GRIA1: variants seen among roughly 807,000 people sequenced by gnomAD.
GRIA1 encodes glutamate ionotropic receptor AMPA type subunit 1.
A neutral mutation model predicts 99.2 loss-of-function variants in GRIA1; 31 were observed. That is an observed-to-expected ratio of 0.31 (90% CI 0.23 to 0.42). The LOEUF is 0.42. Among genes scored for constraint, GRIA1 ranks in the 10% least tolerant of loss-of-function variants. GRIA1 has a pLI of 1.00. For synonymous variants in GRIA1, 438 were observed against 432.4 expected (o/e 1.01, Z -0.16); for missense variants, 782 against 1,157.5 (o/e 0.68, Z 4.71).
chr5:153,761,022 C>G (rs1208047345), intron 11 of GRIA1, among the ~76,000 whole-genome samples: 1 of 152,094 alleles, frequency 6.6e-6, no homozygotes, highest in Non-Finnish European at 1.5e-5. Flanking sequence ...GTACCAAAAT[C>G]ACCTCAAAAT....
At chr5:153,609,440 A>AC (rs11441700) in intron 2 of GRIA1, among the ~76,000 whole-genome samples, 104,784 of 151,914 alleles carry the variant, frequency 0.69, 36,473 homozygotes, top group East Asian at 0.79. Context: ...ATAGGCTGAA[A>AC]AAGGCAGTGA....
chr5:153,624,501 G>T (rs1767393586), intron 2 of GRIA1, among the ~76,000 whole-genome samples: 1 of 152,164 alleles, frequency 6.6e-6, no homozygotes, highest in Non-Finnish European at 1.5e-5. Flanking sequence ...ATGAGAGATG[G>T]GGGAGGAGCT....
chr5:153,793,721 GGATAT>G (rs558051635), intron 13 of GRIA1, among the ~76,000 whole-genome samples: 66 of 152,284 alleles, frequency 4.3e-4, no homozygotes, highest in Non-Finnish European at 2.9e-5. Context: ...AGATGGCCCT[GGATAT>G]GTTATATGTA....
At chr5:153,783,983 T>A (rs1331397341) in intron 13 of GRIA1, among the ~76,000 whole-genome samples, 1 of 152,188 alleles carries the variant, frequency 6.6e-6, no homozygotes, top group Non-Finnish European at 1.5e-5. Flanking sequence ...GTAGTACATG[T>A]GCCAATGCAG....
In GRIA1 at chr5:153,682,175, A is replaced by G. The variant is rs891253068; in HGVS notation, c.1030-4050A>G. 3.3e-5 allele frequency among the ~76,000 whole-genome samples: 5 copies of G among 152,182 alleles called. 1 individual carries two copies. Among genetic ancestry groups the G allele is most frequent in the Admixed American group, 6.5e-5 (1 of 15,276 alleles). On this transcript the variant is annotated intron_variant, in intron 7 of 15. Transcript: ENST00000285900. ...GAGGGTTCTGAGATTTGCTCTGGCC[A>G]GAGTACCTAGAATGTGACCCAGCAA...
intron 8 of GRIA1, among the ~76,000 whole-genome samples, chr5:153,695,220 G>T (rs1015742585): frequency 6.6e-6 from 1 of 152,096 alleles, no homozygotes; most frequent in African/African-American, 2.4e-5. Context: ...AAGCCTGCCT[G>T]CACTATCTGC....
rs1017882549 is a variant in GRIA1 at position 153,802,496 on chromosome 5, A to G, written c.2520+6A>G. 3 of 1,613,796 alleles carry G rather than the reference A, an allele frequency of 1.9e-6. No homozygotes were observed. The highest frequency in any genetic ancestry group is 2.2e-5 in the East Asian group (1 of 44,868). On this transcript the variant is annotated splice_donor_region_variant and intron_variant, in intron 15 of 15. Coordinates refer to ENST00000285900, the MANE Select transcript of GRIA1 (RefSeq NM_000827.4). ...GTGAATCCAAGCGGATGAAGGTGGC[A>G]TCGTCTTCCCGGGCCTTTTTCCTAA...
intron 14 of GRIA1, chr5:153,795,616 G>A (rs368459750): frequency 1.4e-5 from 19 of 1,318,256 alleles, no homozygotes; most frequent in Non-Finnish European, 1.9e-5. Flanking sequence ...CAGAGGTCAC[G>A]CACACCTGTA....
chr5:153,642,762 C>G (rs989683067), intron 2 of GRIA1, among the ~76,000 whole-genome samples: 1 of 152,122 alleles, frequency 6.6e-6, no homozygotes. Context: ...TAACCCAGTA[C>G]ACACAGAGTT....
At chr5:153,678,968 C>T (rs1229206713) in intron 7 of GRIA1, among the ~76,000 whole-genome samples, 3 of 148,138 alleles carry the variant, frequency 2.0e-5, no homozygotes, top group Non-Finnish European at 4.6e-5. Flanking sequence ...AAAATTCAAA[C>T]AGTCTAATTT....
At chr5:153,732,151 T>C (rs1318346991) in intron 11 of GRIA1, among the ~76,000 whole-genome samples, 2 of 152,178 alleles carry the variant, frequency 1.3e-5, no homozygotes. Context: ...GTTGTTTCTA[T>C]ATCTTGGCTA....
At chr5:153,667,750 T>C (rs528780129) in intron 5 of GRIA1, among the ~76,000 whole-genome samples, 97 of 152,330 alleles carry the variant, frequency 6.4e-4, no homozygotes, top group African/African-American at 2.3e-3. Context: ...TGATAATTAA[T>C]AGTCATAATG....
chr5:153,658,953 G>A (rs1755154414), intron 5 of GRIA1, among the ~76,000 whole-genome samples: 2 of 148,964 alleles, frequency 1.3e-5, no homozygotes, highest in East Asian at 3.9e-4. Context: ...ACAACTTATA[G>A]GCAAGGAGTC....
At chr5:153,734,673 A>G (rs1761260292) in intron 11 of GRIA1, among the ~76,000 whole-genome samples, 1 of 152,214 alleles carries the variant, frequency 6.6e-6, no homozygotes, top group Non-Finnish European at 1.5e-5. Flanking sequence ...GCCAGAATTT[A>G]TGGAAACATG....
chr5:153,490,613 G>A (rs1210261467), upstream of GRIA1: 8 of 509,070 alleles, frequency 1.6e-5, no homozygotes, highest in Non-Finnish European at 2.8e-5. Flanking sequence ...GAGAGGAGAG[G>A]GAGTGGGGGA....
At chr5:153,624,025 A>G (rs1217823080) in intron 2 of GRIA1, among the ~76,000 whole-genome samples, 7 of 152,226 alleles carry the variant, frequency 4.6e-5, no homozygotes, top group African/African-American at 1.7e-4. Context: ...AAACAAATGG[A>G]TACTGTCAAG....
rs13186216 is a variant in GRIA1, at chr5:153,705,825, T to G, written c.1581T>G (p.Gly527=). 6.2e-7 allele frequency: 1 copy of G among 1,613,910 alleles called. No individual in the cohort carries two copies. Among genetic ancestry groups the G allele is most frequent in the Non-Finnish European group, 8.5e-7 (1 of 1,179,980 alleles). The change falls in exon 11 of 16, where the codon GGT becomes GGG. Residue 527 remains glycine, a synonymous_variant. Coordinates refer to ENST00000285900, the MANE Select transcript of GRIA1 (RefSeq NM_000827.4). Reference sequence around the variant, plus strand: ...AAAAACCACAGAAATCCAAGCCGGGTGTCTTCTCCTTCCTTGATCCTTTGG... The same window carrying G: ...AAAAACCACAGAAATCCAAGCCGGGGGTCTTCTCCTTCCTTGATCCTTTGG... ...MIKKPQKSKP[G]VFSFLDPLAY... is the part of the protein sequence containing the mutation.
chr5:153,525,591 T>C (rs905521221), intron 2 of GRIA1: 1 of 152,136 alleles, frequency 6.6e-6, no homozygotes, highest in Non-Finnish European at 1.5e-5. Context: ...CTCTGCTATT[T>C]CATTGTGTGG....
At position 153,811,246 on chromosome 5, in the gene GRIA1, T is replaced by C. The variant is rs1217788341; in HGVS notation, c.*21T>C. ...TGTAACTGGAGCAGATGGAGACCCCTTGGGGAGCAGGCTCGGGCTCCCCAG... is the reference window on the plus strand; with the variant it reads ...TGTAACTGGAGCAGATGGAGACCCCCTGGGGAGCAGGCTCGGGCTCCCCAG... On this transcript the variant is annotated 3_prime_UTR_variant, in exon 16 of 16. Transcript: ENST00000285900. The C allele has an allele frequency of 2.5e-6, 4 of 1,597,360 alleles. No homozygotes were observed. The highest frequency in any genetic ancestry group is 2.7e-5 in the African/African-American group (2 of 74,588).
Sources: gnomAD v4.1 joint callset for allele counts (sites outside exome capture counted in the v4.1 genomes callset) on GRCh38, gnomAD v4.1.1 for gene constraint, MANE v1.5 for transcripts, NCBI Gene and HGNC (gene_info 2026-07-23, HGNC 2026-07-21) for gene names.